Variants in REPS2 observed in about 807,000 individuals in gnomAD.
REPS2 encodes RALBP1 associated Eps domain containing 2, also known as ralBP1-associated Eps domain-containing protein 2.
REPS2 carries 23 observed loss-of-function variants against 53.6 expected under a neutral mutation model. That is an observed-to-expected ratio of 0.43 (90% CI 0.31 to 0.61). The LOEUF is 0.61. REPS2 is among the 20% of genes least tolerant of loss of function. The pLI is 0.11. For synonymous variants in REPS2, 238 were observed against 218.6 expected (o/e 1.09, Z -0.78); for missense variants, 446 against 534.9 (o/e 0.83, Z 1.64).
rs776902129 is a variant in REPS2, at chrX:17,104,214, G to A, written c.1578+435G>A. 3.6e-5 allele frequency among the ~76,000 whole-genome samples: 4 copies of A among 111,997 alleles called. No homozygotes were observed. In the East Asian group the frequency reaches 8.4e-4, roughly 23 times the overall value. On this transcript the variant is annotated intron_variant, in intron 14 of 17. Transcript: ENST00000357277. ...TGGTTATCAACATGGGGTTAGTGCC[G>A]TGGTTTTGGCCTATGGTGCTTTCTG...
intron 15 of REPS2, among the ~76,000 whole-genome samples, chrX:17,134,303 G>A (rs1033472395): frequency 5.4e-5 from 6 of 111,593 alleles, no homozygotes; most frequent in South Asian, 3.8e-4. Context: ...CTCTTGCATC[G>A]TGGCATTTTC....
At chrX:17,035,116 T>G (rs1437217869) in intron 5 of REPS2, among the ~76,000 whole-genome samples, 1 of 109,694 alleles carries the variant, frequency 9.1e-6, no homozygotes. Context: ...ATTAAAGAAA[T>G]GAATATTCCT....
rs754251526 is a variant in REPS2 at position 16,994,864 on chromosome X, A to G, written c.274-11357A>G. On this transcript the variant is annotated intron_variant, in intron 1 of 17. Coordinates refer to ENST00000357277, the MANE Select transcript of REPS2 (RefSeq NM_004726.3). ...GTGTGGGTGGTGTCTGGCAGAGCGT[A>G]GGTCTTGTGCCCATACCCTGATTGA... Among the ~76,000 whole-genome samples the G allele has an allele frequency of 2.7e-5, 3 of 112,156 alleles. No homozygotes were observed. The East Asian group carries it at 8.4e-4, about 31-fold the overall frequency.
At chrX:17,092,003 C>A (rs1040309814) in intron 13 of REPS2, among the ~76,000 whole-genome samples, 1 of 111,613 alleles carries the variant, frequency 9.0e-6, no homozygotes, top group Non-Finnish European at 1.9e-5. Context: ...GAGTGTTTTT[C>A]CCCCCTTTGG....
intron 1 of REPS2, among the ~76,000 whole-genome samples, chrX:16,999,922 C>T (rs2061283075): frequency 9.7e-6 from 1 of 102,782 alleles, no homozygotes; most frequent in Admixed American, 1.0e-4. Context: ...TGGCGGGCGC[C>T]TGTAGTCCCA....
chrX:17,127,523 G>A (rs1161466897), intron 14 of REPS2, among the ~76,000 whole-genome samples: 1 of 111,755 alleles, frequency 8.9e-6, no homozygotes, highest in African/African-American at 3.3e-5. Context: ...CCAGGCTTCT[G>A]CCTGCTGTGG....
chrX:17,084,817 T>G (rs1203029141), intron 13 of REPS2, among the ~76,000 whole-genome samples: 1 of 112,324 alleles, frequency 8.9e-6, no homozygotes, highest in Non-Finnish European at 1.9e-5. Context: ...TTTACAAATA[T>G]TTTCCTTCGT....
chrX:17,034,554 C>T (rs1291309831), intron 5 of REPS2, among the ~76,000 whole-genome samples: 2 of 111,898 alleles, frequency 1.8e-5, no homozygotes, highest in Non-Finnish European at 3.8e-5. Context: ...CCTCGGACTC[C>T]CAAAGTGGTG....
intron 1 of REPS2, among the ~76,000 whole-genome samples, chrX:16,992,654 C>T (rs767142874): frequency 1.8e-5 from 2 of 111,980 alleles, no homozygotes; most frequent in East Asian, 2.8e-4. Flanking sequence ...TGGGCGGTTT[C>T]CATGGAGACT....
At chrX:17,188,740 C>G in the REPS2 span, among the ~76,000 whole-genome samples, 1 of 111,800 alleles carries the variant, frequency 8.9e-6, no homozygotes, top group Non-Finnish European at 1.9e-5. Flanking sequence ...AACTCATTTT[C>G]TGATTTTTTT....
chrX:16,948,626 G>A (rs953679639), intron 1 of REPS2, among the ~76,000 whole-genome samples: 1 of 112,107 alleles, frequency 8.9e-6, no homozygotes, highest in Non-Finnish European at 1.9e-5. Flanking sequence ...GTAATGCATC[G>A]GATAAGAGGA....
chrX:16,999,654 G>A (rs191229218), intron 1 of REPS2, among the ~76,000 whole-genome samples: 169 of 111,768 alleles, frequency 1.5e-3, no homozygotes, highest in African/African-American at 4.8e-3. Flanking sequence ...TTTGCAATGT[G>A]GGAGTAGCTT....
chrX:17,048,794 A>T (rs1393484254), intron 6 of REPS2, among the ~76,000 whole-genome samples: 1 of 113,193 alleles, frequency 8.8e-6, no homozygotes, highest in Non-Finnish European at 1.9e-5. Flanking sequence ...CTGTGCTACC[A>T]GTCGTATAAA....
chrX:17,185,981 A>G, the REPS2 span, among the ~76,000 whole-genome samples: 1 of 112,204 alleles, frequency 8.9e-6, no homozygotes, highest in Non-Finnish European at 1.9e-5. Flanking sequence ...TTGGCTAGAA[A>G]TGCTAGCAAG....
At chrX:16,991,525 T>C (rs2061163323) in intron 1 of REPS2, among the ~76,000 whole-genome samples, 1 of 111,339 alleles carries the variant, frequency 9.0e-6, no homozygotes, top group Non-Finnish European at 1.9e-5. Context: ...CTGGGTTGAA[T>C]TGTGTCCCCC....
chrX:17,109,357 G>T (rs1427046146), intron 14 of REPS2, among the ~76,000 whole-genome samples: 1 of 111,542 alleles, frequency 9.0e-6, no homozygotes, highest in East Asian at 2.8e-4. Flanking sequence ...ACCTCTCCAG[G>T]TGATTCTGAA....
intron 17 of REPS2, among the ~76,000 whole-genome samples, chrX:17,146,965 T>A (rs1261171606): frequency 8.9e-6 from 1 of 112,014 alleles, no homozygotes; most frequent in Non-Finnish European, 1.9e-5. Flanking sequence ...AGCGTACCTT[T>A]TTGGCCCTCA....
downstream of REPS2, among the ~76,000 whole-genome samples, chrX:17,156,558 C>T (rs1404763870): frequency 9.0e-6 from 1 of 110,998 alleles, no homozygotes; most frequent in Non-Finnish European, 1.9e-5. Flanking sequence ...TAAAAGCCAA[C>T]TAACTTATAG....
intron 1 of REPS2, among the ~76,000 whole-genome samples, chrX:16,950,475 C>T (rs770092603): frequency 3.6e-5 from 4 of 112,329 alleles, no homozygotes; most frequent in Non-Finnish European, 5.6e-5. Context: ...AACTGCTTTC[C>T]AAAGTGATTG....
Sources: allele counts gnomAD v4.1 joint callset (sites outside exome capture counted in the v4.1 genomes callset), GRCh38; gene constraint gnomAD v4.1.1; transcripts MANE v1.5; gene names NCBI Gene and HGNC (gene_info 2026-07-23, HGNC 2026-07-21).